SASH1: variants seen among roughly 807,000 people sequenced by gnomAD.
SASH1 encodes SAM and SH3 domain containing 1.
In SASH1, 44 loss-of-function variants were observed where a neutral mutation model predicts 125.2. That is an observed-to-expected ratio of 0.35 (90% confidence interval 0.28 to 0.45). The LOEUF (loss-of-function observed/expected upper bound fraction) is 0.45. Ranked by LOEUF, SASH1 falls within the 20% of genes least tolerant of loss-of-function variation. The pLI, the probability that SASH1 is intolerant of heterozygous loss-of-function variation, is 1.00. For synonymous variants in SASH1, 639 were observed against 649.1 expected, an observed-to-expected ratio of 0.98 and a Z score of 0.24; for missense variants, 1,426 against 1,614.5, an observed-to-expected ratio of 0.88 and a Z score of 2.00.
chr6:148,409,139 A>G (rs55942137), intron 2 of SASH1, among the ~76,000 whole-genome samples: 27,511 of 151,990 alleles, frequency 0.18, 2,868 homozygotes, highest in African/African-American at 0.3. Context: ...CTTTCCTACC[A>G]TGCATTATTA....
At chr6:148,534,651 G>A (rs985307896) in intron 15 of SASH1, 100 bp from the exon 16 acceptor site, 30 of 1,133,400 alleles carry the variant, frequency 2.6e-5, no homozygotes, top group Admixed American at 3.4e-5. Flanking sequence ...GCCTGAAGGT[G>A]ACTATGGGAA....
At chr6:148,435,887 T>C (rs1467032532) in intron 2 of SASH1, among the ~76,000 whole-genome samples, 2 of 152,224 alleles carry the variant, frequency 1.3e-5, no homozygotes, top group African/African-American at 4.8e-5. Context: ...TGCAGCCTAA[T>C]ACAGTGCAAT....
intron 2 of SASH1, among the ~76,000 whole-genome samples, chr6:148,410,361 G>A (rs922893197): frequency 1.3e-5 from 2 of 151,836 alleles, no homozygotes; most frequent in Admixed American, 6.6e-5. Context: ...TGCCTGCCTC[G>A]GCCTCCCAAC....
chr6:148,424,372 T>C (rs1775713129), intron 2 of SASH1, among the ~76,000 whole-genome samples: 1 of 151,938 alleles, frequency 6.6e-6, no homozygotes, highest in Non-Finnish European at 1.5e-5. Flanking sequence ...ATTACAGGCA[T>C]GTGCTACCAT....
At chr6:148,428,522 G>A (rs543325753) in intron 2 of SASH1, among the ~76,000 whole-genome samples, 24 of 150,716 alleles carry the variant, frequency 1.6e-4, no homozygotes, top group African/African-American at 5.1e-4. Context: ...CCAGCTACTC[G>A]GGAGGCTGAG....
At chr6:148,399,214 C>CTTTTTTTTTTTTTTTTTTTTTTT (rs371374910) in intron 2 of SASH1, among the ~76,000 whole-genome samples, 6 of 106,674 alleles carry the variant, frequency 5.6e-5, no homozygotes, top group Admixed American at 9.9e-5. Context: ...ATTTCAGCTT[C>CTTTTTTTTTTTTTTTTTTTTTTT]TTTTTTTTTT....
the SASH1 span, among the ~76,000 whole-genome samples, chr6:148,208,861 C>A: frequency 2.0e-5 from 3 of 152,162 alleles, no homozygotes; most frequent in Non-Finnish European, 4.4e-5. Context: ...AGAATAAATC[C>A]TAAATGACAA....
rs1780655819 is a variant in SASH1, at chr6:148,519,367, C to T, written c.863-180C>T. On this transcript the variant is annotated intron_variant, in intron 9 of 19. Coordinates refer to ENST00000367467, the MANE Select transcript of SASH1 (RefSeq NM_015278.5). This position sits in a 1 kb window ranked among gnomAD's most constrained non-coding sequence, Gnocchi z 4.8. ...AGAAAACACATCTGAATCCTTTTAA[C>T]ATTAAGCTCATGTGAAACCATGTAT... Among the ~76,000 whole-genome samples the T allele has an allele frequency of 1.3e-5, 2 of 152,210 alleles. No homozygotes were observed. The highest frequency in any genetic ancestry group is 1.3e-4 in the Admixed American group (2 of 15,286).
chr6:148,516,274 T>G (rs1147860), intron 9 of SASH1, among the ~76,000 whole-genome samples: 126,230 of 152,180 alleles, frequency 0.83, 52,604 homozygotes, highest in African/African-American at 0.88. Context: ...CGTTGGCCAA[T>G]CTCACCCATC....
At chr6:148,546,767 G>C (rs73017027) in intron 19 of SASH1, among the ~76,000 whole-genome samples, 1 of 152,046 alleles carries the variant, frequency 6.6e-6, no homozygotes, top group Non-Finnish European at 1.5e-5. Context: ...ATTTTTACTT[G>C]TCCATTAAAA....
intron 1 of SASH1, among the ~76,000 whole-genome samples, chr6:148,313,644 C>A (rs1780396670): frequency 6.6e-6 from 1 of 152,070 alleles, no homozygotes; most frequent in African/African-American, 2.4e-5. Context: ...GTGGCACGAG[C>A]TCGATGACAT....
At chr6:148,295,369 C>T (rs914746478) in intron 1 of SASH1, among the ~76,000 whole-genome samples, 16 of 152,038 alleles carry the variant, frequency 1.1e-4, no homozygotes, top group African/African-American at 3.6e-4. Context: ...TTGCTTTGTC[C>T]CCAAAATTCT....
At chr6:148,212,754 T>A in the SASH1 span, among the ~76,000 whole-genome samples, 2 of 152,232 alleles carry the variant, frequency 1.3e-5, no homozygotes, top group African/African-American at 4.8e-5. Flanking sequence ...TTATCTCATT[T>A]AATCCCCACA....
the SASH1 span, among the ~76,000 whole-genome samples, chr6:148,261,524 C>T: frequency 1.3e-5 from 2 of 152,138 alleles, no homozygotes; most frequent in African/African-American, 4.8e-5. Flanking sequence ...AGATTGGAAG[C>T]ATCTCTCAGC....
At position 148,519,530 on chromosome 6, in the gene SASH1, T is replaced by C. The variant is rs1415779527; in HGVS notation, c.863-17T>C. Reference sequence around the variant, plus strand: ...GCAAAGGTGTGTTCACAAGAGACTCTGTTGGTTTCCCTCCAGGTGGGGAGG... The same window carrying C: ...GCAAAGGTGTGTTCACAAGAGACTCCGTTGGTTTCCCTCCAGGTGGGGAGG... On this transcript the variant is annotated splice_polypyrimidine_tract_variant and intron_variant, in intron 9 of 19. Transcript: ENST00000367467. The surrounding 1 kb of genome is among the most constrained non-coding windows in gnomAD (Gnocchi z 4.8). 2 of 1,597,588 alleles carry C rather than the reference T, an allele frequency of 1.3e-6. No homozygotes were observed. Among genetic ancestry groups the C allele is most frequent in the African/African-American group, 1.3e-5 (1 of 74,614 alleles).
chr6:148,359,014 C>A (rs1174985609), intron 1 of SASH1, among the ~76,000 whole-genome samples: 1 of 151,804 alleles, frequency 6.6e-6, no homozygotes, highest in African/African-American at 2.4e-5. Context: ...GGATTACAGG[C>A]GTGAGCCACT....
chr6:148,477,549 G>GGATA (rs1482645650), intron 7 of SASH1, among the ~76,000 whole-genome samples: 2 of 151,968 alleles, frequency 1.3e-5, no homozygotes, highest in African/African-American at 2.4e-5. Flanking sequence ...TTTGTGGGAT[G>GGATA]GAGTCTCACT....
At chr6:148,299,134 C>A (rs529612220) in intron 1 of SASH1, among the ~76,000 whole-genome samples, 1 of 152,254 alleles carries the variant, frequency 6.6e-6, no homozygotes, top group South Asian at 2.1e-4. Context: ...TCACTCTATG[C>A]CCAGCATGGT....
At chr6:148,468,734 TC>T in intron 5 of SASH1, 149 bp downstream of exon 5, 1 of 553,656 alleles carries the variant, frequency 1.8e-6, no homozygotes, top group Non-Finnish European at 3.1e-6. Context: ...TTCTCCTTTT[TC>T]TAGGCAGTTT....
Sources: allele counts gnomAD v4.1 joint callset (sites outside exome capture counted in the v4.1 genomes callset), GRCh38; gene constraint gnomAD v4.1.1; non-coding constraint Gnocchi (gnomAD v3.1); transcripts MANE v1.5; gene names NCBI Gene and HGNC (gene_info 2026-07-23, HGNC 2026-07-21).